The following CHL1 variants were observed in gnomAD, a reference collection of about 807,000 sequenced individuals.
The protein encoded by CHL1 is cell adhesion molecule L1 like.
A neutral mutation model predicts 141.9 loss-of-function variants in CHL1; 96 were observed. The ratio of observed to expected loss-of-function variants is 0.68; its 90% CI spans 0.57 to 0.80. The LOEUF (loss-of-function observed/expected upper bound fraction) is 0.80, where lower values mean the gene tolerates loss of function less well. Ranked by LOEUF, CHL1 falls within the 30% of genes least tolerant of loss-of-function variation. CHL1 has a pLI of 0.00. For synonymous variants in CHL1, 613 were observed against 502.2 expected (o/e 1.22, Z -2.95); for missense variants, 1,820 against 1,457.2 (o/e 1.25, Z -4.05).
At chr3:314,775 G>A (rs752574563) in intron 2 of CHL1, among the ~76,000 whole-genome samples, 4 of 152,050 alleles carry the variant, frequency 2.6e-5, no homozygotes, top group Admixed American at 1.3e-4. Flanking sequence ...AAAGGTGCAA[G>A]GCTTCTTGAG....
At chr3:324,109 T>A (rs1466087926) in intron 3 of CHL1, among the ~76,000 whole-genome samples, 3 of 151,988 alleles carry the variant, frequency 2.0e-5, no homozygotes, top group Non-Finnish European at 4.4e-5. Flanking sequence ...TGTCTTGTAA[T>A]TTGTAAGACT....
chr3:270,728 CAAGTT>C (rs1178296984), intron 2 of CHL1, among the ~76,000 whole-genome samples: 6 of 152,212 alleles, frequency 3.9e-5, no homozygotes, highest in Non-Finnish European at 8.8e-5. Flanking sequence ...CAATTGCAGT[CAAGTT>C]GTTAGCTGGG....
intron 10 of CHL1, 114 bp downstream of exon 10, chr3:349,657 TA>T: frequency 1.2e-6 from 1 of 859,120 alleles, no homozygotes; most frequent in Non-Finnish European, 1.8e-6. Flanking sequence ...TTTCAACTTT[TA>T]ATTGTAGTGC....
chr3:231,912 G>T (rs1701902244), intron 1 of CHL1, among the ~76,000 whole-genome samples: 1 of 152,014 alleles, frequency 6.6e-6, no homozygotes, highest in Non-Finnish European at 1.5e-5. Flanking sequence ...TGTGTTTGGT[G>T]TGACACTCAA....
At chr3:288,000 T>C (rs1390993577) in intron 2 of CHL1, among the ~76,000 whole-genome samples, 1 of 152,192 alleles carries the variant, frequency 6.6e-6, no homozygotes, top group Non-Finnish European at 1.5e-5. Context: ...ACTCCTGACC[T>C]CGGGCAATCT....
rs75705901 is a variant in CHL1, at chr3:405,910, G to T, written c.*199G>T. On this transcript the variant is annotated 3_prime_UTR_variant, in exon 28 of 28. Transcript: ENST00000256509. ...GCCAAGCACTTCAGGCCTATGTTTT[G>T]CTTATATTGTTTTCAGGTGCTCAAA... 9.8e-6 allele frequency: 5 copies of T among 510,400 alleles called. No individual in the cohort carries two copies. The highest frequency in any genetic ancestry group is 1.8e-5 in the Non-Finnish European group (5 of 285,150). 31.6% of individuals were successfully genotyped at this position (510,400 alleles called of 1,614,324 possible).
chr3:401,434 C>T (rs1255496006), intron 26 of CHL1, among the ~76,000 whole-genome samples, 192 bp from the exon 27 acceptor site: 2 of 152,178 alleles, frequency 1.3e-5, no homozygotes, highest in African/African-American at 4.8e-5. Context: ...CCCCAAAATC[C>T]CCTCTCTTTT....
intron 27 of CHL1, among the ~76,000 whole-genome samples, chr3:404,365 A>G (rs1019068912): frequency 2.0e-5 from 3 of 152,206 alleles, no homozygotes; most frequent in Non-Finnish European, 4.4e-5. Context: ...TGATATGTAC[A>G]TCCAAATTAT....
At chr3:306,881 T>C (rs966036694) in intron 2 of CHL1, among the ~76,000 whole-genome samples, 2 of 152,194 alleles carry the variant, frequency 1.3e-5, no homozygotes, top group Admixed American at 6.5e-5. Flanking sequence ...ACCATCCCTG[T>C]CACTACAAGA....
chr3:326,182 G>C (rs1700996870), intron 4 of CHL1, 118 bp downstream of exon 4: 1 of 561,068 alleles, frequency 1.8e-6, no homozygotes, highest in Non-Finnish European at 3.0e-6. Flanking sequence ...AAAGCTAAGG[G>C]TTTACAAAAA....
At chr3:369,996 C>G (rs988937452) in intron 15 of CHL1, among the ~76,000 whole-genome samples, 1 of 152,040 alleles carries the variant, frequency 6.6e-6, no homozygotes, top group African/African-American at 2.4e-5. Flanking sequence ...TGGATTTGGT[C>G]TGCCAGTATT....
intron 11 of CHL1, among the ~76,000 whole-genome samples, chr3:356,839 G>A (rs1403883837): frequency 6.6e-6 from 1 of 152,182 alleles, no homozygotes; most frequent in Non-Finnish European, 1.5e-5. Flanking sequence ...GATGAACATC[G>A]AAGTAGGGCC....
chr3:401,706 T>C lies in CHL1; in HGVS notation c.3458+8T>C. On this transcript the variant is annotated splice_region_variant and intron_variant, in intron 27 of 27. Coordinates refer to ENST00000256509, the MANE Select transcript of CHL1 (RefSeq NM_006614.4). ...AACCTTTGGTGAATACAGGTAAACA[T>C]AAGGTTCTGTTGTAAAATAAAACAC... is the stretch of plus-strand genomic sequence containing the variant. The C allele has an allele frequency of 2.3e-5, 34 of 1,504,882 alleles. No individual in the cohort carries two copies. The highest frequency in any genetic ancestry group is 3.0e-5 in the Non-Finnish European group (33 of 1,100,736). 93.2% of individuals were successfully genotyped at this position (1,504,882 alleles called of 1,614,324 possible). A position where few individuals can be genotyped will look rare whatever the true frequency, so the allele number is the denominator to read the frequency against.
At chr3:326,318 G>A (rs1701012615) in intron 4 of CHL1, among the ~76,000 whole-genome samples, 1 of 151,976 alleles carries the variant, frequency 6.6e-6, no homozygotes, top group African/African-American at 2.4e-5. Flanking sequence ...TGGTACAGCA[G>A]AAATACTCCA....
At chr3:333,171 T>C (rs1194656763) in intron 5 of CHL1, among the ~76,000 whole-genome samples, 1 of 117,282 alleles carries the variant, frequency 8.5e-6, no homozygotes, top group East Asian at 2.6e-4. Context: ...AAGAGCAAAA[T>C]AAATTAGGTT....
At chr3:361,337 G>A (rs13075652) in intron 12 of CHL1, among the ~76,000 whole-genome samples, 52,558 of 109,110 alleles carry the variant, frequency 0.48, 13,796 homozygotes, top group Middle Eastern at 0.64. Flanking sequence ...TAAAACACCA[G>A]AAGCAATGGC....
intron 2 of CHL1, among the ~76,000 whole-genome samples, chr3:259,406 C>T (rs913824600): frequency 2.0e-5 from 3 of 151,886 alleles, no homozygotes; most frequent in African/African-American, 7.3e-5. Context: ...TAAAGAGAAA[C>T]TGGAAATTTG....
chr3:339,374 A>C (rs1702186114), intron 5 of CHL1, among the ~76,000 whole-genome samples: 1 of 152,268 alleles, frequency 6.6e-6, no homozygotes, highest in Non-Finnish European at 1.5e-5. Context: ...TATACTAAAC[A>C]TACTTTCCCG....
In CHL1 at chr3:343,037, T is replaced by C; in HGVS notation, c.727+6T>C. Reference sequence around the variant, plus strand: ...CACAGAAATTGGTTCCAAGGGTAAGTTGAACCCATGTGGAGTGTTGGCATT... The same window carrying C: ...CACAGAAATTGGTTCCAAGGGTAAGCTGAACCCATGTGGAGTGTTGGCATT... On this transcript the variant is annotated splice_donor_region_variant and intron_variant, in intron 8 of 27. Coordinates refer to ENST00000256509, the MANE Select transcript of CHL1 (RefSeq NM_006614.4). 1.2e-6 allele frequency: 2 copies of C among 1,606,720 alleles called. No individual in the cohort carries two copies. Among genetic ancestry groups the C allele is most frequent in the Non-Finnish European group, 8.5e-7 (1 of 1,177,054 alleles).
Sources: allele counts gnomAD v4.1 joint callset (sites outside exome capture counted in the v4.1 genomes callset), GRCh38; gene constraint gnomAD v4.1.1; transcripts MANE v1.5; gene names NCBI Gene and HGNC (gene_info 2026-07-23, HGNC 2026-07-21).